The following PNPLA4 variants were observed in gnomAD, a reference collection of about 807,000 sequenced individuals.
PNPLA4 encodes patatin-like phospholipase domain-containing protein 4.
A neutral mutation model predicts 18.3 loss-of-function variants in PNPLA4; 15 were observed. The ratio of observed to expected loss-of-function variants is 0.82; its 90% CI spans 0.55 to 1.26. The LOEUF (loss-of-function observed/expected upper bound fraction) is 1.26, where lower values mean the gene tolerates loss of function less well. Among genes scored for constraint, PNPLA4 ranks in the 50% most tolerant of loss-of-function variants. PNPLA4 has a pLI of 0.00. For missense variants in PNPLA4, 229 were observed against 196.8 expected, an observed-to-expected ratio of 1.16 and a Z score of -0.98; for synonymous variants, 88 against 85.6, an observed-to-expected ratio of 1.03 and a Z score of -0.16.
intron 2 of PNPLA4, 84 bp downstream of exon 2, chrX:7,925,856 T>C: frequency 1.3e-6 from 1 of 795,753 alleles, no homozygotes; most frequent in Non-Finnish European, 1.8e-6. Flanking sequence ...TCTGCAGTGT[T>C]AACTTAGTAG....
chrX:7,925,852 G>T (rs1924375689), intron 2 of PNPLA4, 88 bp downstream of exon 2: 2 of 749,176 alleles, frequency 2.7e-6, no homozygotes, highest in Admixed American at 3.1e-5. Flanking sequence ...TTTCTCTGCA[G>T]TGTTAACTTA....
At position 7,921,641 on chromosome X, in the gene PNPLA4, C is replaced by T. The variant is rs1161347438; in HGVS notation, c.411+72G>A. 8 of 931,951 alleles carry T rather than the reference C, an allele frequency of 8.6e-6. No homozygotes were observed. In the Admixed American group the frequency reaches 1.3e-4, roughly 16 times the overall value. The allele number at this position is 931,951 out of a possible 1,213,427, so 76.8% of individuals were successfully genotyped here. A position where few individuals can be genotyped will look rare whatever the true frequency, so the allele number is the denominator to read the frequency against. On this transcript the variant is annotated intron_variant, in intron 4 of 6. Coordinates refer to ENST00000381042, the MANE Select transcript of PNPLA4 (RefSeq NM_004650.3). Reference sequence around the variant, plus strand: ...ACAGGATCTAAAGAACGTGGTAATGCTCATTACTTTATATGAAGTATTGAA... The same window carrying T: ...ACAGGATCTAAAGAACGTGGTAATGTTCATTACTTTATATGAAGTATTGAA...
chrX:7,926,450 A>G (rs1275962450), intron 1 of PNPLA4, among the ~76,000 whole-genome samples: 3 of 112,426 alleles, frequency 2.7e-5, no homozygotes, highest in Non-Finnish European at 5.6e-5. Context: ...TGACAAGGGC[A>G]TTTGGTCTTT....
Position 7,899,385 on chromosome X carries a change from C to T in PNPLA4, c.*1301G>A, listed in dbSNP as rs1371084712. On this transcript the variant is annotated 3_prime_UTR_variant, in exon 7 of 7. Coordinates refer to ENST00000381042, the MANE Select transcript of PNPLA4 (RefSeq NM_004650.3). ...ACAGATTTAGGATTTAAGACAGTGT[C>T]AGTAAATTGGTACAAGCCCATACAC... 9.1e-6 allele frequency: 1 copy of T among 110,117 alleles called. No homozygotes were observed. The highest frequency in any genetic ancestry group is 9.8e-5 in the Admixed American group (1 of 10,235). 9.1% of individuals were successfully genotyped at this position (110,117 alleles called of 1,213,427 possible). A position where few individuals can be genotyped will look rare whatever the true frequency, so the allele number is the denominator to read the frequency against.
intron 4 of PNPLA4, among the ~76,000 whole-genome samples, chrX:7,917,985 C>T (rs1438376846): frequency 4.5e-5 from 5 of 112,043 alleles, no homozygotes; most frequent in Non-Finnish European, 7.5e-5. Context: ...TATTAAGTAG[C>T]AGAATAAATG....
intron 6 of PNPLA4, 124 bp downstream of exon 6, chrX:7,901,865 G>C: frequency 3.1e-6 from 2 of 649,848 alleles, no homozygotes; most frequent in East Asian, 6.8e-5. Flanking sequence ...AACACACTAA[G>C]GAGAAGATGC....
rs1923419823 is a variant in PNPLA4 at position 7,898,848 on chromosome X, C to T, written c.*1838G>A. On this transcript the variant is annotated 3_prime_UTR_variant, in exon 7 of 7. Coordinates refer to ENST00000381042, the MANE Select transcript of PNPLA4 (RefSeq NM_004650.3). ...TCGATACAAGATACTTCAAAAAAGT[C>T]TTATACAATGAGATTTGGTTTTGCA... The T allele has an allele frequency of 8.9e-6, 1 of 111,786 alleles. No individual in the cohort carries two copies. Among genetic ancestry groups the T allele is most frequent in the Non-Finnish European group, 1.9e-5 (1 of 53,164 alleles). The allele number at this position is 111,786 out of a possible 1,213,427, so 9.2% of individuals were successfully genotyped here. A position where few individuals can be genotyped will look rare whatever the true frequency, so the allele number is the denominator to read the frequency against.
At chrX:7,916,435 T>A (rs1924048287) in intron 4 of PNPLA4, among the ~76,000 whole-genome samples, 3 of 111,254 alleles carry the variant, frequency 2.7e-5, no homozygotes, top group Admixed American at 9.5e-5. Context: ...CAGGAAGGAA[T>A]CATGCTAAAT....
chrX:7,927,463 G>C (rs1339367477), upstream of PNPLA4: 1 of 113,562 alleles, frequency 8.8e-6, no homozygotes, highest in Non-Finnish European at 1.9e-5. Flanking sequence ...TGACGTCATC[G>C]CGCCGACGAA....
intron 2 of PNPLA4, 120 bp downstream of exon 2, chrX:7,925,820 T>C (rs1924374242): frequency 3.9e-5 from 22 of 564,803 alleles, no homozygotes; most frequent in Non-Finnish European, 1.7e-5. Flanking sequence ...CCTAATCCTT[T>C]CTGTTTCCAA....
chrX:7,921,758 T>C lies in PNPLA4; in HGVS notation c.366A>G (p.Glu122=). 2 of 1,209,562 alleles carry C rather than the reference T, an allele frequency of 1.7e-6. No individual in the cohort carries two copies. Among genetic ancestry groups the C allele is most frequent in the African/African-American group, 1.7e-5 (1 of 57,773 alleles). The part of the protein sequence containing the change: ...HVSITNAKTR[E]NHLVSTFSSR... ...AGGAAAAAGTGGAGACTAAGTGATT[T>C]TCTCTGGTTTTGGCGTTGGTGATGG... Residue 122 remains glutamate (E), a synonymous_variant, in exon 4 of 7, where the codon GAA becomes GAG. Coordinates refer to ENST00000381042, the MANE Select transcript of PNPLA4 (RefSeq NM_004650.3).
chrX:7,927,034 G>C (rs778749283), intron 1 of PNPLA4, among the ~76,000 whole-genome samples: 62 of 113,075 alleles, frequency 5.5e-4, no homozygotes, highest in Non-Finnish European at 1.0e-3. Flanking sequence ...AGGGCAGGTG[G>C]CTCGGCCGCC....
At chrX:7,923,999 G>A (rs1184535664) in intron 2 of PNPLA4, among the ~76,000 whole-genome samples, 2 of 111,598 alleles carry the variant, frequency 1.8e-5, no homozygotes, top group South Asian at 3.8e-4. Context: ...TCATTCTACT[G>A]AGCTAGACTG....
intron 4 of PNPLA4, among the ~76,000 whole-genome samples, chrX:7,920,516 A>G (rs1601650657): frequency 1.8e-5 from 2 of 112,619 alleles, no homozygotes; most frequent in African/African-American, 6.4e-5. Context: ...TTACTTGTCA[A>G]TTCAACATTT....
intron 5 of PNPLA4, among the ~76,000 whole-genome samples, chrX:7,909,606 C>T (rs1367288825): frequency 2.7e-5 from 3 of 109,397 alleles, no homozygotes; most frequent in Non-Finnish European, 5.7e-5. Flanking sequence ...ACAGGAATAT[C>T]GAGGGCAGGC....
intron 5 of PNPLA4, among the ~76,000 whole-genome samples, chrX:7,910,613 T>C (rs1031430955): frequency 1.8e-5 from 2 of 110,597 alleles, no homozygotes; most frequent in Non-Finnish European, 3.8e-5. Context: ...ATCTCTGATA[T>C]GTATGAAATA....
rs1408390529 is a variant in PNPLA4, at chrX:7,920,164, C to T, written c.411+1549G>A. On this transcript the variant is annotated intron_variant, in intron 4 of 6. Coordinates refer to ENST00000381042, the MANE Select transcript of PNPLA4 (RefSeq NM_004650.3). The stretch of plus-strand genomic sequence containing the variant: ...GTGGGGAGATCAGGGGCTGAGAGTT[C>T]TGTCATTGTAGACAGAAAAACCAGG... Among the ~76,000 whole-genome samples the T allele has an allele frequency of 6.3e-5, 7 of 111,352 alleles. No homozygotes were observed. The Admixed American group carries it at 6.7e-4, about 11-fold the overall frequency.
At chrX:7,922,678 G>A (rs1325520032) in intron 2 of PNPLA4, among the ~76,000 whole-genome samples, 1 of 112,209 alleles carries the variant, frequency 8.9e-6, no homozygotes, top group Non-Finnish European at 1.9e-5. Flanking sequence ...CACCCTGCAG[G>A]GTGGGTATAA....
intron 5 of PNPLA4, among the ~76,000 whole-genome samples, chrX:7,906,585 G>C (rs1049502867): frequency 3.6e-5 from 4 of 112,340 alleles, no homozygotes; most frequent in Non-Finnish European, 7.5e-5. Flanking sequence ...TCTAAAAAGT[G>C]ACTGAAGAAT....
Sources: allele counts gnomAD v4.1 joint callset (sites outside exome capture counted in the v4.1 genomes callset), GRCh38; gene constraint gnomAD v4.1.1; transcripts MANE v1.5; gene names NCBI Gene and HGNC (gene_info 2026-07-23, HGNC 2026-07-21).